RSRC1: variants seen among roughly 807,000 people sequenced by gnomAD.
The protein encoded by RSRC1 is arginine and serine rich coiled-coil 1.
RSRC1 carries 39 observed loss-of-function variants against 49.1 expected under a neutral mutation model. The observed-to-expected ratio is 0.79, with a 90% CI of 0.61 to 1.04. The LOEUF (loss-of-function observed/expected upper bound fraction) is 1.04. RSRC1 is among the 50% of genes least tolerant of loss of function. The pLI, the probability that RSRC1 is intolerant of heterozygous loss-of-function variation, is 0.00. For missense variants in RSRC1, 388 were observed against 402.4 expected, an observed-to-expected ratio of 0.96 and a Z score of 0.31; for synonymous variants, 143 against 130.8, an observed-to-expected ratio of 1.09 and a Z score of -0.63.
intron 5 of RSRC1, among the ~76,000 whole-genome samples, chr3:158,353,136 C>T (rs1369093650): frequency 6.6e-6 from 1 of 152,084 alleles, no homozygotes; most frequent in Non-Finnish European, 1.5e-5. Flanking sequence ...CTGTGTTGTC[C>T]TGTTTGACCT....
intron 4 of RSRC1, among the ~76,000 whole-genome samples, chr3:158,280,852 G>A (rs1349987058): frequency 6.6e-6 from 1 of 151,956 alleles, no homozygotes; most frequent in Non-Finnish European, 1.5e-5. Flanking sequence ...TCACCCTTTT[G>A]CCCAGTCTGG....
chr3:158,412,086 T>G (rs575729340), intron 6 of RSRC1, among the ~76,000 whole-genome samples: 53 of 152,266 alleles, frequency 3.5e-4, no homozygotes, highest in African/African-American at 1.1e-3. Context: ...CTTTCGTGTT[T>G]ACAAGAAAAA....
intron 6 of RSRC1, among the ~76,000 whole-genome samples, chr3:158,371,940 A>C (rs919749934): frequency 6.6e-6 from 1 of 151,512 alleles, no homozygotes; most frequent in Admixed American, 6.6e-5. Flanking sequence ...TTCAATCTGC[A>C]TTTGCCTCAT....
chr3:158,241,485 T>A (rs1033377328), intron 4 of RSRC1, among the ~76,000 whole-genome samples: 3 of 151,312 alleles, frequency 2.0e-5, no homozygotes, highest in Admixed American at 6.6e-5. Flanking sequence ...ATAAAAATAT[T>A]TTTTTTAAAA....
chr3:158,505,788 T>C (rs1739834654), intron 7 of RSRC1, among the ~76,000 whole-genome samples: 1 of 135,154 alleles, frequency 7.4e-6, no homozygotes, highest in Admixed American at 7.3e-5. Flanking sequence ...GGAGAAAGGA[T>C]AGGAATGTTC....
At chr3:158,125,409 AT>A (rs1346438248) in intron 3 of RSRC1, among the ~76,000 whole-genome samples, 1 of 151,718 alleles carries the variant, frequency 6.6e-6, no homozygotes, top group African/African-American at 2.4e-5. Flanking sequence ...AAGTTTTACT[AT>A]GTGTGTTTGT....
chr3:158,141,436 C>T (rs1314133243), intron 3 of RSRC1, among the ~76,000 whole-genome samples: 2 of 152,152 alleles, frequency 1.3e-5, no homozygotes, highest in Non-Finnish European at 2.9e-5. Context: ...TCCTAAAACT[C>T]CATGGACCTC....
intron 4 of RSRC1, among the ~76,000 whole-genome samples, chr3:158,241,302 A>C (rs934228026): frequency 9.9e-5 from 15 of 151,642 alleles, no homozygotes; most frequent in African/African-American, 3.1e-4. Context: ...ACAAAAAAAA[A>C]GCTGGACATG....
chr3:158,336,145 G>A (rs990735902), intron 5 of RSRC1, among the ~76,000 whole-genome samples: 3 of 152,274 alleles, frequency 2.0e-5, no homozygotes, highest in African/African-American at 7.2e-5. Flanking sequence ...CCTAGGCAAT[G>A]AGGAAGATGC....
intron 6 of RSRC1, among the ~76,000 whole-genome samples, chr3:158,424,647 A>T (rs1389498660): frequency 1.3e-5 from 2 of 151,536 alleles, no homozygotes; most frequent in Non-Finnish European, 3.0e-5. Flanking sequence ...TAGTTTCAGA[A>T]GGAATGGTAC....
chr3:158,232,035 CT>C (rs1048747306), intron 4 of RSRC1, among the ~76,000 whole-genome samples: 1 of 151,988 alleles, frequency 6.6e-6, no homozygotes, highest in Non-Finnish European at 1.5e-5. Context: ...CTTGTTGTTA[CT>C]TTTTTTCTGT....
chr3:158,148,786 C>CTT (rs555372660), intron 3 of RSRC1, among the ~76,000 whole-genome samples: 2 of 145,560 alleles, frequency 1.4e-5, no homozygotes, highest in Non-Finnish European at 3.0e-5. Flanking sequence ...CGAATATATA[C>CTT]TTTTTTTTTT....
intron 3 of RSRC1, among the ~76,000 whole-genome samples, chr3:158,125,793 A>C (rs1391888386): frequency 6.6e-6 from 1 of 152,070 alleles, no homozygotes; most frequent in Non-Finnish European, 1.5e-5. Flanking sequence ...CCATTATTGA[A>C]AGTGGATTAT....
At chr3:158,366,556 A>G (rs1731780323) in intron 6 of RSRC1, among the ~76,000 whole-genome samples, 1 of 152,030 alleles carries the variant, frequency 6.6e-6, no homozygotes, top group Admixed American at 6.5e-5. Context: ...GTAGCCTTGT[A>G]TTATAGTTTG....
intron 6 of RSRC1, among the ~76,000 whole-genome samples, chr3:158,389,876 C>G (rs1213837010): frequency 6.6e-6 from 1 of 152,132 alleles, no homozygotes; most frequent in Non-Finnish European, 1.5e-5. Context: ...CTTTTTCAGT[C>G]TCCTCAACTA....
chr3:158,280,884 C>T (rs1169036578), intron 4 of RSRC1, among the ~76,000 whole-genome samples: 1 of 151,962 alleles, frequency 6.6e-6, no homozygotes, highest in Non-Finnish European at 1.5e-5. Context: ...TGAGCTCAGG[C>T]AATCCACCCA....
At chr3:158,512,953 G>T (rs1275621923) in intron 7 of RSRC1, among the ~76,000 whole-genome samples, 1 of 138,968 alleles carries the variant, frequency 7.2e-6, no homozygotes, top group African/African-American at 2.7e-5. Context: ...TGTGATTTTT[G>T]TACATTGATT....
In RSRC1 at chr3:158,340,167, A is replaced by G. The variant is rs971007816; in HGVS notation, c.532-14690A>G. On this transcript the variant is annotated intron_variant, in intron 5 of 9. Transcript: ENST00000611884. ...CATGGGGGCTGGTCTTTCCTGTGCT[A>G]TTCTCGTGATAGTGAATAAGTCTCA... 2.0e-5 allele frequency among the ~76,000 whole-genome samples: 3 copies of G among 152,138 alleles called. No individual in the cohort carries two copies. In the East Asian group the frequency reaches 5.8e-4, roughly 29 times the overall value.
At chr3:158,323,920 A>G (rs1406747476) in intron 5 of RSRC1, among the ~76,000 whole-genome samples, 1 of 148,806 alleles carries the variant, frequency 6.7e-6, no homozygotes, top group Non-Finnish European at 1.5e-5. Context: ...TATTCTGTGC[A>G]TCCGTACTAT....
Sources: gnomAD v4.1 joint callset for allele counts (sites outside exome capture counted in the v4.1 genomes callset) on GRCh38, gnomAD v4.1.1 for gene constraint, MANE v1.5 for transcripts, NCBI Gene and HGNC (gene_info 2026-07-23, HGNC 2026-07-21) for gene names.